VOPP1: variants seen among roughly 807,000 people sequenced by gnomAD.
VOPP1 encodes the protein VOPP1 WW domain binding protein.
Under a neutral mutation model 23.5 loss-of-function variants are expected in VOPP1, and 8 were observed. The ratio of observed to expected loss-of-function variants is 0.34; its 90% CI spans 0.20 to 0.61. VOPP1 has a LOEUF of 0.61. Among genes scored for constraint, VOPP1 ranks in the 20% least tolerant of loss-of-function variants. The pLI is 0.78. For synonymous variants in VOPP1, 83 were observed against 97.3 expected (o/e 0.85, Z 0.86); for missense variants, 174 against 238.1 (o/e 0.73, Z 1.77).
intron 4 of VOPP1, among the ~76,000 whole-genome samples, chr7:55,451,573 C>T (rs1414100008): frequency 6.6e-6 from 1 of 152,140 alleles, no homozygotes; most frequent in African/African-American, 2.4e-5. Context: ...GGGCGGATCA[C>T]AAGGTCAGGA....
At chr7:55,566,769 A>G (rs1798176361) in intron 1 of VOPP1, among the ~76,000 whole-genome samples, 1 of 152,188 alleles carries the variant, frequency 6.6e-6, no homozygotes, top group Non-Finnish European at 1.5e-5. Flanking sequence ...GATATTGAGG[A>G]CATCCTCATC....
At chr7:55,462,696 C>A (rs2129003985) in intron 4 of VOPP1, among the ~76,000 whole-genome samples, 1 of 144,882 alleles carries the variant, frequency 6.9e-6, no homozygotes, top group South Asian at 2.2e-4. Context: ...CGCTCTGTTG[C>A]CCAGGCTGGA....
At chr7:55,516,928 ATATATTTTTTTTTT>A (rs1795477941) in intron 2 of VOPP1, among the ~76,000 whole-genome samples, 11 of 50,066 alleles carry the variant, frequency 2.2e-4, no homozygotes, top group African/African-American at 1.1e-3. Flanking sequence ...ATATATATAT[ATATATTTTTTTTTT>A]TTTTTTTTTT....
At chr7:55,559,844 G>A (rs775031586) in intron 1 of VOPP1, among the ~76,000 whole-genome samples, 42 of 152,132 alleles carry the variant, frequency 2.8e-4, no homozygotes, top group South Asian at 1.7e-3. Flanking sequence ...ACCTCAGAAC[G>A]TGGCAATGGA....
At chr7:55,483,260 G>A (rs1386828836) in intron 4 of VOPP1, among the ~76,000 whole-genome samples, 1 of 152,126 alleles carries the variant, frequency 6.6e-6, no homozygotes, top group Non-Finnish European at 1.5e-5. Flanking sequence ...TCTGGGTGGC[G>A]CTGGGGTGAG....
chr7:55,493,148 A>C (rs1793700872), intron 3 of VOPP1: 1 of 152,266 alleles, frequency 6.6e-6, no homozygotes, highest in South Asian at 2.1e-4. Context: ...TCAGTAAACG[A>C]CTGCAGAATG....
intron 2 of VOPP1, among the ~76,000 whole-genome samples, chr7:55,508,665 C>T (rs1417811588): frequency 1.3e-5 from 2 of 152,112 alleles, no homozygotes; most frequent in Non-Finnish European, 2.9e-5. Flanking sequence ...TCTATTCAAG[C>T]CTATCCTGAA....
At chr7:55,490,138 G>A (rs1793460120) in intron 4 of VOPP1, among the ~76,000 whole-genome samples, 1 of 152,002 alleles carries the variant, frequency 6.6e-6, no homozygotes, top group South Asian at 2.1e-4. Context: ...CAGGTGAGCT[G>A]GCAGAGACCC....
rs996765810 is a variant in VOPP1 at position 55,539,896 on chromosome 7, G to C, written c.55-18766C>G. Among the ~76,000 whole-genome samples the C allele has an allele frequency of 1.6e-4, 16 of 97,956 alleles. No individual in the cohort carries two copies. In the East Asian group the frequency reaches 4.9e-3, roughly 30 times the overall value. The allele number at this position is 97,956 out of a possible 152,430, so 64.3% of individuals were successfully genotyped here. The stretch of plus-strand genomic sequence containing the variant: ...TAACAAACGGGCGCATAACATAAGC[G>C]CTGCACACACACACACACACACACA... On this transcript the variant is annotated intron_variant, in intron 1 of 4. Coordinates refer to ENST00000285279, the MANE Select transcript of VOPP1 (RefSeq NM_030796.5).
At chr7:55,511,179 T>C (rs1562941539) in intron 2 of VOPP1, among the ~76,000 whole-genome samples, 1 of 152,162 alleles carries the variant, frequency 6.6e-6, no homozygotes, top group Non-Finnish European at 1.5e-5. Flanking sequence ...ACTCAAAGCA[T>C]ACAAAGGAAA....
chr7:55,554,778 C>G (rs942803537), intron 1 of VOPP1, among the ~76,000 whole-genome samples: 1 of 152,170 alleles, frequency 6.6e-6, no homozygotes, highest in African/African-American at 2.4e-5. Context: ...TGGAGCTCAG[C>G]AGGGAATTCT....
At chr7:55,475,648 G>GGT (rs916621213) in intron 4 of VOPP1, among the ~76,000 whole-genome samples, 45 of 152,348 alleles carry the variant, frequency 3.0e-4, no homozygotes, top group African/African-American at 1.1e-3. Flanking sequence ...CCCTACACAG[G>GGT]GTGTGCCCTG....
chr7:55,502,886 A>C (rs1489487186), intron 2 of VOPP1, among the ~76,000 whole-genome samples: 1 of 152,230 alleles, frequency 6.6e-6, no homozygotes, highest in Non-Finnish European at 1.5e-5. Flanking sequence ...TCTGTGTGCC[A>C]GATGTATAAA....
intron 1 of VOPP1, chr7:55,552,564 T>A (rs1396517120): frequency 3.3e-6 from 5 of 1,529,786 alleles, no homozygotes; most frequent in African/African-American, 2.7e-5. Flanking sequence ...GGGTGACAAA[T>A]GAAGTCTAGG....
intron 4 of VOPP1, among the ~76,000 whole-genome samples, chr7:55,487,261 A>G (rs1429382301): frequency 6.6e-6 from 1 of 152,218 alleles, no homozygotes; most frequent in Non-Finnish European, 1.5e-5. Context: ...AGAAACCTAT[A>G]AATGAACTCA....
intron 4 of VOPP1, among the ~76,000 whole-genome samples, chr7:55,447,465 G>A (rs1385654804): frequency 6.6e-6 from 1 of 152,184 alleles, no homozygotes; most frequent in Non-Finnish European, 1.5e-5. Flanking sequence ...AGGTCTGTAT[G>A]TCCTCAAAGG....
intron 1 of VOPP1, chr7:55,539,347 C>T (rs1473588848): frequency 2.0e-5 from 3 of 152,138 alleles, no homozygotes; most frequent in Middle Eastern, 3.4e-3. Context: ...CTTGATCCCC[C>T]CAACAATAAC....
intron 1 of VOPP1, among the ~76,000 whole-genome samples, chr7:55,539,118 C>T (rs966253747): frequency 2.0e-5 from 3 of 151,318 alleles, no homozygotes; most frequent in South Asian, 2.1e-4. Context: ...CCGAGGCAAG[C>T]GGATCACCTG....
At chr7:55,480,013 A>G (rs1448576611) in intron 4 of VOPP1, among the ~76,000 whole-genome samples, 2 of 152,248 alleles carry the variant, frequency 1.3e-5, no homozygotes, top group East Asian at 3.8e-4. Context: ...TTTGTTAAGA[A>G]GATCATGGTT....
Sources: gnomAD v4.1 joint callset for allele counts (sites outside exome capture counted in the v4.1 genomes callset) on GRCh38, gnomAD v4.1.1 for gene constraint, MANE v1.5 for transcripts, NCBI Gene and HGNC (gene_info 2026-07-23, HGNC 2026-07-21) for gene names.